Variants in RERG observed in about 807,000 individuals in gnomAD.
The protein encoded by RERG is RAS like estrogen regulated growth inhibitor.
A neutral mutation model predicts 23.2 loss-of-function variants in RERG; 25 were observed. The ratio of observed to expected loss-of-function variants is 1.08; its 90% CI spans 0.79 to 1.50. The LOEUF (loss-of-function observed/expected upper bound fraction) is 1.50. Among genes scored for constraint, RERG ranks in the 40% most tolerant of loss-of-function variants. RERG has a pLI of 0.00. For synonymous variants in RERG, 81 were observed against 89.1 expected (o/e 0.91, Z 0.51); for missense variants, 253 against 250.1 (o/e 1.01, Z -0.08).
intron 2 of RERG, among the ~76,000 whole-genome samples, chr12:15,140,496 AT>A (rs879569709): frequency 6.7e-6 from 1 of 148,424 alleles, no homozygotes. Flanking sequence ...TTCTTTCTCT[AT>A]TGTTTTTTCC....
At chr12:15,190,522 A>G (rs1865055818) in intron 2 of RERG, among the ~76,000 whole-genome samples, 1 of 152,162 alleles carries the variant, frequency 6.6e-6, no homozygotes, top group Admixed American at 6.6e-5. Flanking sequence ...TTCTAGGTTG[A>G]CCCAAAGATG....
chr12:15,166,815 AATC>A (rs910662629), intron 2 of RERG, among the ~76,000 whole-genome samples: 6 of 151,490 alleles, frequency 4.0e-5, no homozygotes, highest in Admixed American at 1.3e-4. Flanking sequence ...CTTTTATTTA[AATC>A]ATCTTGTATC....
chr12:15,216,818 C>G (rs777977270), intron 2 of RERG, among the ~76,000 whole-genome samples: 1 of 152,206 alleles, frequency 6.6e-6, no homozygotes, highest in Non-Finnish European at 1.5e-5. Flanking sequence ...AGCGATTTCT[C>G]AGATAGTGAA....
chr12:15,162,645 T>G (rs545722383), intron 2 of RERG, among the ~76,000 whole-genome samples: 2 of 152,348 alleles, frequency 1.3e-5, no homozygotes, highest in African/African-American at 2.4e-5. Flanking sequence ...TCTACATACA[T>G]GAAGAGCTCT....
chr12:15,116,082 A>G (rs1459166940), intron 3 of RERG, among the ~76,000 whole-genome samples: 1 of 152,032 alleles, frequency 6.6e-6, no homozygotes, highest in Non-Finnish European at 1.5e-5. Flanking sequence ...GTTAAATTGG[A>G]GATTATAGTT....
chr12:15,158,957 C>G (rs1399089649), intron 2 of RERG, among the ~76,000 whole-genome samples: 2 of 152,128 alleles, frequency 1.3e-5, no homozygotes, highest in African/African-American at 4.8e-5. Flanking sequence ...TATTCTGAAA[C>G]TATGTAAATA....
intron 2 of RERG, among the ~76,000 whole-genome samples, chr12:15,216,808 A>G (rs940423904): frequency 2.0e-4 from 30 of 152,218 alleles, no homozygotes; most frequent in African/African-American, 7.0e-4. Flanking sequence ...AAGGTCTGCT[A>G]GCGATTTCTC....
chr12:15,153,920 T>C (rs1273788700), intron 2 of RERG, among the ~76,000 whole-genome samples: 1 of 152,140 alleles, frequency 6.6e-6, no homozygotes, highest in East Asian at 1.9e-4. Context: ...TATGTTCTTA[T>C]GAAATGGGGA....
intron 2 of RERG, among the ~76,000 whole-genome samples, chr12:15,210,849 A>G (rs1290985725): frequency 2.6e-5 from 4 of 152,196 alleles, no homozygotes; most frequent in Non-Finnish European, 4.4e-5. Flanking sequence ...CTGTAAAGCC[A>G]CAGGTAACCA....
rs1438192152 is a variant in RERG at position 15,177,283 on chromosome 12, T to C, written c.61+40146A>G. 2.0e-5 allele frequency among the ~76,000 whole-genome samples: 3 copies of C among 152,304 alleles called. No homozygotes were observed. In the East Asian group the frequency reaches 5.8e-4, roughly 29 times the overall value. On this transcript the variant is annotated intron_variant, in intron 2 of 4. Coordinates refer to ENST00000256953, the MANE Select transcript of RERG (RefSeq NM_032918.3). ...GCCTGGCCAACATGGCAAAACCCTG[T>C]CTCTACTAAAAATACAAAAATTCAC... is the stretch of plus-strand genomic sequence containing the variant.
At chr12:15,115,429 C>T (rs1238367469) in intron 3 of RERG, among the ~76,000 whole-genome samples, 1 of 152,030 alleles carries the variant, frequency 6.6e-6, no homozygotes, top group East Asian at 1.9e-4. Context: ...GTTTCAAACA[C>T]ATTAGACTCT....
intron 2 of RERG, among the ~76,000 whole-genome samples, chr12:15,176,915 C>T (rs1310634889): frequency 2.6e-5 from 4 of 152,180 alleles, no homozygotes; most frequent in East Asian, 1.9e-4. Flanking sequence ...CACACACATA[C>T]ACTTTTTTAA....
intron 2 of RERG, among the ~76,000 whole-genome samples, chr12:15,182,057 C>CTTT (rs71042236): frequency 7.2e-5 from 10 of 138,082 alleles, no homozygotes; most frequent in South Asian, 7.1e-4. Context: ...TAACTTTTAA[C>CTTT]TTTTTTTTTT....
intron 2 of RERG, among the ~76,000 whole-genome samples, chr12:15,131,480 A>C (rs1864045200): frequency 6.6e-6 from 1 of 152,140 alleles, no homozygotes; most frequent in Non-Finnish European, 1.5e-5. Flanking sequence ...TAAAATTTAG[A>C]TTTTCAATTT....
At chr12:15,143,959 T>C (rs1864286295) in intron 2 of RERG, among the ~76,000 whole-genome samples, 1 of 152,084 alleles carries the variant, frequency 6.6e-6, no homozygotes, top group Non-Finnish European at 1.5e-5. Flanking sequence ...GTAGAGGTTC[T>C]GAGGCAGGCA....
At chr12:15,200,467 T>A (rs897971746) in intron 2 of RERG, among the ~76,000 whole-genome samples, 5 of 152,070 alleles carry the variant, frequency 3.3e-5, no homozygotes, top group Non-Finnish European at 7.4e-5. Context: ...AAAAGCATCA[T>A]CGTTTTTAAC....
intron 2 of RERG, among the ~76,000 whole-genome samples, chr12:15,170,564 A>G (rs1016291095): frequency 2.0e-5 from 3 of 152,172 alleles, no homozygotes; most frequent in African/African-American, 7.2e-5. Context: ...ATCTCTGAGT[A>G]TAATATGTTG....
At position 15,145,585 on chromosome 12, in the gene RERG, C is replaced by T. The variant is rs7302332; in HGVS notation, c.62-24466G>A. The stretch of plus-strand genomic sequence containing the variant: ...TGCCATCAGTCACGGGACCTGTGCA[C>T]GTGCTGCAATCTGACAAGGGGATTT... On this transcript the variant is annotated intron_variant, in intron 2 of 4. Coordinates refer to ENST00000256953, the MANE Select transcript of RERG (RefSeq NM_032918.3). 8.6e-3 allele frequency among the ~76,000 whole-genome samples: 1,309 copies of T among 152,300 alleles called. 15 individuals are homozygous for T. The highest frequency in any genetic ancestry group is 0.029 in the African/African-American group (1,223 of 41,572).
At chr12:15,176,227 T>A (rs1248057852) in intron 2 of RERG, among the ~76,000 whole-genome samples, 2 of 152,202 alleles carry the variant, frequency 1.3e-5, no homozygotes, top group Non-Finnish European at 2.9e-5. Context: ...TGATTCTTCA[T>A]CTTTATTTTC....
Sources: gnomAD v4.1 joint callset for allele counts (sites outside exome capture counted in the v4.1 genomes callset) on GRCh38, gnomAD v4.1.1 for gene constraint, MANE v1.5 for transcripts, NCBI Gene and HGNC (gene_info 2026-07-23, HGNC 2026-07-21) for gene names.